PRELID2: variants seen among roughly 807,000 people sequenced by gnomAD.
PRELID2 encodes the protein PRELI domain-containing protein 2.
PRELID2 carries 25 observed loss-of-function variants against 28.4 expected under a neutral mutation model. That is an observed-to-expected ratio of 0.88 (90% CI 0.64 to 1.23). The LOEUF is 1.23. Among genes scored for constraint, PRELID2 ranks in the 50% most tolerant of loss-of-function variants. The pLI, the probability that PRELID2 is intolerant of heterozygous loss-of-function variation, is 0.00. For synonymous variants in PRELID2, 76 were observed against 71.6 expected (o/e 1.06, Z -0.31); for missense variants, 201 against 214.4 (o/e 0.94, Z 0.39).
At chr5:145,407,636 C>T in the PRELID2 span, among the ~76,000 whole-genome samples, 3 of 152,170 alleles carry the variant, frequency 2.0e-5, no homozygotes, top group African/African-American at 7.2e-5. Flanking sequence ...CCTAAATTCC[C>T]CTTTAACTCC....
At chr5:145,717,352 T>C (rs968169430) in intron 1 of PRELID2, among the ~76,000 whole-genome samples, 1 of 152,116 alleles carries the variant, frequency 6.6e-6, no homozygotes, top group South Asian at 2.1e-4. Context: ...TTATGGCTGG[T>C]TGCTCAACTT....
chr5:145,492,197 T>C (rs1186403341), intron 1 of PRELID2, among the ~76,000 whole-genome samples: 1 of 152,164 alleles, frequency 6.6e-6, no homozygotes, highest in African/African-American at 2.4e-5. Context: ...CTCCAACACT[T>C]GTTATCTTTT....
At chr5:145,826,640 C>T (rs959796849) in intron 1 of PRELID2, among the ~76,000 whole-genome samples, 6 of 152,048 alleles carry the variant, frequency 3.9e-5, no homozygotes, top group African/African-American at 7.2e-5. Flanking sequence ...AAAATGTAGA[C>T]GTGCCTAAAG....
intron 1 of PRELID2, among the ~76,000 whole-genome samples, chr5:145,493,549 T>TA (rs1165589845): frequency 6.6e-6 from 1 of 152,196 alleles, no homozygotes; most frequent in Non-Finnish European, 1.5e-5. Context: ...ATGGTCTTCC[T>TA]ACCTGTACCC....
At chr5:145,294,902 G>T in the PRELID2 span, among the ~76,000 whole-genome samples, 1 of 152,094 alleles carries the variant, frequency 6.6e-6, no homozygotes, top group Non-Finnish European at 1.5e-5. Context: ...CTTTTTGAAA[G>T]ATTTGTTGAG....
intron 1 of PRELID2, among the ~76,000 whole-genome samples, chr5:145,692,890 A>C (rs1755178585): frequency 6.6e-6 from 1 of 152,132 alleles, no homozygotes; most frequent in African/African-American, 2.4e-5. Context: ...AGCTCTTCCC[A>C]CAGTCAAAAT....
chr5:145,451,562 C>T, the PRELID2 span, among the ~76,000 whole-genome samples: 2 of 152,130 alleles, frequency 1.3e-5, no homozygotes, highest in Non-Finnish European at 2.9e-5. Context: ...CTCCAGGGTG[C>T]TTCATTCTGT....
chr5:145,404,164 G>A, the PRELID2 span, among the ~76,000 whole-genome samples: 2 of 152,150 alleles, frequency 1.3e-5, no homozygotes, highest in African/African-American at 4.8e-5. Context: ...CACCACTACC[G>A]AATGGTGTAT....
the PRELID2 span, among the ~76,000 whole-genome samples, chr5:145,425,319 T>C: frequency 6.6e-6 from 1 of 152,184 alleles, no homozygotes; most frequent in Non-Finnish European, 1.5e-5. Context: ...AGTGTAAATT[T>C]ATTCAACTAT....
intron 1 of PRELID2, among the ~76,000 whole-genome samples, chr5:145,504,642 TC>T (rs1752390577): frequency 6.6e-6 from 1 of 152,088 alleles, no homozygotes; most frequent in Non-Finnish European, 1.5e-5. Flanking sequence ...GCTAAGTACC[TC>T]CCTTTTATTT....
the PRELID2 span, among the ~76,000 whole-genome samples, chr5:145,324,199 G>T: frequency 1.3e-5 from 2 of 152,198 alleles, no homozygotes; most frequent in South Asian, 4.1e-4. Flanking sequence ...TGTATAAGGT[G>T]ACAGGGAATC....
At chr5:145,396,778 A>G in the PRELID2 span, among the ~76,000 whole-genome samples, 1 of 151,804 alleles carries the variant, frequency 6.6e-6, no homozygotes, top group African/African-American at 2.4e-5. Flanking sequence ...AAGACACAAT[A>G]GGAAAATTCA....
At chr5:145,533,019 ATTGT>A in intron 1 of PRELID2, among the ~76,000 whole-genome samples, 2 of 152,176 alleles carry the variant, frequency 1.3e-5, no homozygotes, top group South Asian at 4.1e-4. Flanking sequence ...TCTATATTTA[ATTGT>A]TTGAGAGACC....
At chr5:145,568,405 G>A (rs886579591) in intron 1 of PRELID2, among the ~76,000 whole-genome samples, 4 of 152,270 alleles carry the variant, frequency 2.6e-5, no homozygotes, top group Middle Eastern at 3.4e-3. Context: ...GGTTATCCAC[G>A]ACTATTCTCA....
the PRELID2 span, among the ~76,000 whole-genome samples, chr5:145,266,744 G>A: frequency 6.6e-6 from 1 of 152,124 alleles, no homozygotes; most frequent in African/African-American, 2.4e-5. Context: ...GCACACATGT[G>A]TTTATAGCAG....
the PRELID2 span, among the ~76,000 whole-genome samples, chr5:145,288,865 A>T: frequency 6.6e-6 from 1 of 152,034 alleles, no homozygotes; most frequent in Non-Finnish European, 1.5e-5. Context: ...GGCTTGCACC[A>T]TTTGCTATTC....
the PRELID2 span, among the ~76,000 whole-genome samples, chr5:145,249,599 A>G: frequency 6.6e-6 from 1 of 152,080 alleles, no homozygotes; most frequent in Non-Finnish European, 1.5e-5. Flanking sequence ...AACGGTTGCC[A>G]GGAGAAATAA....
At chr5:145,539,613 T>G (rs1752730137) in intron 1 of PRELID2, among the ~76,000 whole-genome samples, 1 of 151,982 alleles carries the variant, frequency 6.6e-6, no homozygotes, top group African/African-American at 2.4e-5. Context: ...CTTTTATGTC[T>G]GGCACAAATA....
chr5:145,813,129 C>T (rs1351093638), intron 4 of PRELID2, among the ~76,000 whole-genome samples: 2 of 152,160 alleles, frequency 1.3e-5, no homozygotes, highest in African/African-American at 2.4e-5. Flanking sequence ...CACACCCACA[C>T]CTGCTAACCA....
Sources: allele counts gnomAD v4.1 joint callset (sites outside exome capture counted in the v4.1 genomes callset), GRCh38; gene constraint gnomAD v4.1.1; transcripts MANE v1.5; gene names NCBI Gene and HGNC (gene_info 2026-07-23, HGNC 2026-07-21).